DGKI: variants seen among roughly 807,000 people sequenced by gnomAD.
DGKI encodes the protein DAG kinase iota.
Under a neutral mutation model 147.5 loss-of-function variants are expected in DGKI, and 55 were observed. The ratio of observed to expected loss-of-function variants is 0.37; its 90% CI spans 0.30 to 0.47. DGKI has a LOEUF of 0.47. Among genes scored for constraint, DGKI ranks in the 20% least tolerant of loss-of-function variants. The pLI, the probability that DGKI is intolerant of heterozygous loss-of-function variation, is 1.00. For missense variants in DGKI, 1,007 were observed against 1,323.8 expected, an observed-to-expected ratio of 0.76 and a Z score of 3.71; for synonymous variants, 469 against 477.1, an observed-to-expected ratio of 0.98 and a Z score of 0.22.
At chr7:137,582,242 T>G (rs1261413352) in intron 14 of DGKI, among the ~76,000 whole-genome samples, 3 of 152,120 alleles carry the variant, frequency 2.0e-5, no homozygotes, top group African/African-American at 7.2e-5. Flanking sequence ...GGATATATAT[T>G]TGCAATAGTT....
intron 32 of DGKI, among the ~76,000 whole-genome samples, chr7:137,393,099 C>T (rs986195511): frequency 6.6e-5 from 10 of 152,086 alleles, no homozygotes; most frequent in African/African-American, 2.2e-4. Flanking sequence ...GGGATCATTA[C>T]AAGTTTAATG....
intron 21 of DGKI, among the ~76,000 whole-genome samples, chr7:137,501,317 T>C (rs1816164150): frequency 6.6e-6 from 1 of 152,206 alleles, no homozygotes; most frequent in Non-Finnish European, 1.5e-5. Flanking sequence ...TGAATACTGC[T>C]GTAATAAACT....
At chr7:137,708,879 C>G (rs890517697) in intron 1 of DGKI, among the ~76,000 whole-genome samples, 1 of 152,080 alleles carries the variant, frequency 6.6e-6, no homozygotes, top group Admixed American at 6.5e-5. Flanking sequence ...CGAGTAGAAG[C>G]CATGAAGATG....
chr7:137,555,143 T>C (rs917101437), intron 19 of DGKI, among the ~76,000 whole-genome samples: 3 of 151,744 alleles, frequency 2.0e-5, no homozygotes, highest in Non-Finnish European at 4.4e-5. Context: ...CTCAATCTTC[T>C]GACTTCGTGA....
chr7:137,581,563 T>A (rs1819192990), intron 15 of DGKI, among the ~76,000 whole-genome samples: 1 of 152,100 alleles, frequency 6.6e-6, no homozygotes, highest in Non-Finnish European at 1.5e-5. Flanking sequence ...AACATAAAGA[T>A]TAACAATCCC....
intron 28 of DGKI, among the ~76,000 whole-genome samples, chr7:137,429,484 T>C (rs1444744125): frequency 6.7e-6 from 1 of 150,020 alleles, no homozygotes; most frequent in Non-Finnish European, 1.5e-5. Context: ...ATTCAGGACA[T>C]AGGCATGGGC....
chr7:137,689,457 G>A (rs1476507778), intron 2 of DGKI, among the ~76,000 whole-genome samples: 1 of 152,160 alleles, frequency 6.6e-6, no homozygotes, highest in Non-Finnish European at 1.5e-5. Context: ...GGTTAAGGGA[G>A]GAAGGAAAAG....
chr7:137,518,771 T>C (rs1016164218), intron 21 of DGKI, among the ~76,000 whole-genome samples: 8 of 152,044 alleles, frequency 5.3e-5, no homozygotes, highest in African/African-American at 1.9e-4. Flanking sequence ...TTAAAAAATA[T>C]ATCATGTGTC....
chr7:137,650,773 G>T (rs1314795369), intron 5 of DGKI, among the ~76,000 whole-genome samples: 1 of 152,184 alleles, frequency 6.6e-6, no homozygotes, highest in Non-Finnish European at 1.5e-5. Context: ...TTGCTTATAA[G>T]CCACCCAGTC....
At chr7:137,818,827 A>G (rs1797813969) in intron 1 of DGKI, among the ~76,000 whole-genome samples, 1 of 152,216 alleles carries the variant, frequency 6.6e-6, no homozygotes, top group South Asian at 2.1e-4. Flanking sequence ...ACTCAGCATA[A>G]GTGTATTACA....
At chr7:137,747,368 T>C (rs779718559) in intron 1 of DGKI, among the ~76,000 whole-genome samples, 13 of 152,166 alleles carry the variant, frequency 8.5e-5, no homozygotes, top group Non-Finnish European at 1.3e-4. Context: ...TAGTGTGCCA[T>C]TGAGGCAGGA....
chr7:137,623,517 A>G lies in DGKI; in HGVS notation c.842T>C (p.Ile281Thr), dbSNP rs746435864. The G allele has an allele frequency of 1.2e-6, 2 of 1,614,058 alleles. No individual in the cohort carries two copies. The highest frequency in any genetic ancestry group is 1.1e-5 in the South Asian group (1 of 91,076). The change falls in exon 7 of 33, where the codon ATT becomes ACT. Residue 281 changes from isoleucine (I) to threonine (T), a missense_variant. Physicochemically the swap from Ile to Thr is moderately conservative, Grantham distance 89. Coordinates refer to ENST00000614521, the MANE Select transcript of DGKI (RefSeq NM_001321708.2). The part of the protein sequence containing the change: ...QQKFSFHSKE[I>T]VAISCSWCKQ... Reference sequence around the variant, plus strand: ...GCACCAGGAACAGCTGATAGCCACAATCTCTTTACTGTGGAAGGAGAACTT... The same window carrying G: ...GCACCAGGAACAGCTGATAGCCACAGTCTCTTTACTGTGGAAGGAGAACTT...
intron 29 of DGKI, among the ~76,000 whole-genome samples, chr7:137,408,458 A>G (rs1190033872): frequency 6.6e-6 from 1 of 152,162 alleles, no homozygotes; most frequent in African/African-American, 2.4e-5. Context: ...TTATGAACCT[A>G]TATACCAAAT....
At chr7:137,427,051 T>C (rs1236728235) in intron 28 of DGKI, among the ~76,000 whole-genome samples, 1 of 151,482 alleles carries the variant, frequency 6.6e-6, no homozygotes, top group Non-Finnish European at 1.5e-5. Flanking sequence ...CAAGTGGACC[T>C]AATAGACATC....
intron 1 of DGKI, among the ~76,000 whole-genome samples, chr7:137,835,294 C>G (rs1022864703): frequency 1.3e-5 from 2 of 152,222 alleles, no homozygotes; most frequent in African/African-American, 2.4e-5. Flanking sequence ...ACCTGCTGCC[C>G]CTGTGAACCG....
intron 1 of DGKI, chr7:137,722,620 C>T: frequency 6.3e-7 from 1 of 1,585,976 alleles, no homozygotes; most frequent in Non-Finnish European, 8.6e-7. Context: ...CCCAAAACAT[C>T]TTACTGATGC....
intron 19 of DGKI, among the ~76,000 whole-genome samples, chr7:137,568,519 G>A (rs1818669949): frequency 6.6e-6 from 1 of 152,070 alleles, no homozygotes; most frequent in Non-Finnish European, 1.5e-5. Flanking sequence ...CATGTCTTCT[G>A]GCTTCCAATC....
intron 14 of DGKI, among the ~76,000 whole-genome samples, chr7:137,582,610 G>A (rs1819243759): frequency 6.6e-6 from 1 of 151,894 alleles, no homozygotes; most frequent in Non-Finnish European, 1.5e-5. Flanking sequence ...TCTTTATTAT[G>A]ACCATGAAAT....
chr7:137,679,494 T>A (rs1236872742), intron 2 of DGKI, among the ~76,000 whole-genome samples: 1 of 152,004 alleles, frequency 6.6e-6, no homozygotes. Flanking sequence ...TATATATTAA[T>A]TGTATATTTT....
Sources: gnomAD v4.1 joint callset for allele counts (sites outside exome capture counted in the v4.1 genomes callset) on GRCh38, gnomAD v4.1.1 for gene constraint, MANE v1.5 for transcripts, NCBI Gene and HGNC (gene_info 2026-07-23, HGNC 2026-07-21) for gene names.